Variants in SEC31B observed in about 807,000 individuals in gnomAD.
The protein encoded by SEC31B is protein transport protein Sec31B.
SEC31B carries 113 observed loss-of-function variants against 135.0 expected under a neutral mutation model. That is an observed-to-expected ratio of 0.84 (90% CI 0.72 to 0.98). The LOEUF is 0.98. SEC31B is among the 50% of genes least tolerant of loss of function. The probability of loss-of-function intolerance (pLI) is 0.00; values close to 1 mark genes in which losing one functional copy is unlikely to be tolerated. For missense variants in SEC31B, 1,296 were observed against 1,421.1 expected (o/e 0.91, Z 1.42); for synonymous variants, 508 against 549.4 (o/e 0.92, Z 1.05).
intron 3 of SEC31B, among the ~76,000 whole-genome samples, 170 bp downstream of exon 3, chr10:100,515,926 G>A (rs976107271): frequency 5.3e-5 from 8 of 152,078 alleles, no homozygotes; most frequent in East Asian, 3.9e-4. Context: ...GGGGGGGGTG[G>A]TTGTTTTTTA....
At chr10:100,488,725 T>C (rs1441437101) in intron 24 of SEC31B, 133 bp downstream of exon 24, 1 of 1,235,940 alleles carries the variant, frequency 8.1e-7, no homozygotes, top group East Asian at 2.6e-5. Flanking sequence ...TGGACGTCAA[T>C]TAAGTACAAG....
intron 19 of SEC31B, among the ~76,000 whole-genome samples, chr10:100,493,563 A>G (rs867778149): frequency 1.3e-5 from 2 of 152,198 alleles, no homozygotes; most frequent in Non-Finnish European, 2.9e-5. Flanking sequence ...TTAAATAACA[A>G]TGATAGAGCT....
In SEC31B at chr10:100,507,504, C is replaced by T. The variant is rs1851655336; in HGVS notation, c.703G>A (p.Asp235Asn). 6.2e-7 allele frequency: 1 copy of T among 1,614,104 alleles called. No homozygotes were observed. Among genetic ancestry groups the T allele is most frequent in the Non-Finnish European group, 8.5e-7 (1 of 1,180,046 alleles). The change falls in exon 7 of 26, where the codon GAT becomes AAT. Residue 235 changes from aspartate to asparagine, a missense_variant. Transcript: ENST00000370345. The stretch of plus-strand genomic sequence containing the variant: ...AGCTGAATCACGGGAAGTCGATCAT[C>T]CTCTGAGCACAGCACTAACTGGGTG... ...IATQLVLCSEDDRLPVIQLWD... is the reference protein window; with the variant it reads ...IATQLVLCSENDRLPVIQLWD...
At chr10:100,489,810 G>A in intron 21 of SEC31B, 49 bp from the exon 22 acceptor site, 1 of 1,612,530 alleles carries the variant, frequency 6.2e-7, no homozygotes, top group Non-Finnish European at 8.5e-7. Flanking sequence ...GAAAAACACT[G>A]GAAGTTTTTT....
At chr10:100,514,280 C>G (rs764448025) in intron 3 of SEC31B, among the ~76,000 whole-genome samples, 3 of 152,108 alleles carry the variant, frequency 2.0e-5, no homozygotes, top group Non-Finnish European at 4.4e-5. Context: ...TCTTAAGAAC[C>G]CTTAGCCCTA....
chr10:100,504,757 AAG>A (rs1851592506), intron 10 of SEC31B, among the ~76,000 whole-genome samples: 1 of 152,020 alleles, frequency 6.6e-6, no homozygotes, highest in African/African-American at 2.4e-5. Context: ...GATAGTATTT[AAG>A]AGAGGGGCCT....
In SEC31B at chr10:100,505,422, A is replaced by C. The variant is rs1458018730; in HGVS notation, c.1118T>G (p.Leu373Arg). The C allele has an allele frequency of 6.8e-6, 11 of 1,606,864 alleles. No homozygotes were observed. The highest frequency in any genetic ancestry group is 9.4e-6 in the Non-Finnish European group (11 of 1,176,392). ...GGGGGGTTTTTTCAGGGGAGGTATC[A>C]GTGGTGCTTGTGCCACTTGCTCTGG... The part of the protein sequence containing the change: ...QVPEQVAQAP[L>R]IPPLKKPPKW... Residue 373 changes from leucine (L) to arginine (R), a missense_variant, in exon 10 of 26, where the codon CTG becomes CGG. Physicochemically the swap from Leu to Arg is moderately radical, Grantham distance 102 (BLOSUM62 -2). Transcript: ENST00000370345.
chr10:100,490,392 G>T, intron 20 of SEC31B, 70 bp from the exon 21 acceptor site: 1 of 1,434,636 alleles, frequency 7.0e-7, no homozygotes, highest in Non-Finnish European at 9.3e-7. Flanking sequence ...GCATATCAGG[G>T]AGAAACAGGA....
chr10:100,488,940 T>C lies in SEC31B; in HGVS notation c.3206A>G (p.Lys1069Arg), dbSNP rs781625414. Residue 1069 changes from lysine (K) to arginine (R), a missense_variant, in exon 24 of 26, where the codon AAG (lysine) becomes AGG (arginine). Lys to Arg is a conservative substitution (Grantham distance 26). Transcript: ENST00000370345. The stretch of plus-strand genomic sequence containing the variant: ...GGACTGATGCTCTGGGGGCAGCTCC[T>C]TCCTTTCCATCTTCTCAGGTGGCAG... ...QHLPPEKMER[K>R]ELPPEHQSLK... 3 of 1,611,302 alleles carry C rather than the reference T, an allele frequency of 1.9e-6. No individual in the cohort carries two copies. The highest frequency in any genetic ancestry group is 2.2e-5 in the East Asian group (1 of 44,816).
Position 100,507,496 on chromosome 10 carries a change from T to C in SEC31B, c.711A>G (p.Arg237=). 2 of 1,614,170 alleles carry C rather than the reference T, an allele frequency of 1.2e-6. No homozygotes were observed. The highest frequency in any genetic ancestry group is 1.7e-6 in the Non-Finnish European group (2 of 1,180,022). The change falls in exon 7 of 26, where the codon CGA becomes CGG. Residue 237 remains arginine (R), a synonymous_variant. Transcript: ENST00000370345. Reference sequence around the variant, plus strand: ...AGTCCCACAGCTGAATCACGGGAAGTCGATCATCCTCTGAGCACAGCACTA... The same window carrying C: ...AGTCCCACAGCTGAATCACGGGAAGCCGATCATCCTCTGAGCACAGCACTA... The part of the protein sequence containing the change: ...TQLVLCSEDD[R]LPVIQLWDLR...
rs754507151 is a variant in SEC31B, at chr10:100,507,490, G to A, written c.717C>T (p.Pro239=). The change falls in exon 7 of 26, where the codon CCC becomes CCT. Residue 239 remains proline (P), a synonymous_variant. Coordinates refer to ENST00000370345, the MANE Select transcript of SEC31B (RefSeq NM_015490.4). ...LVLCSEDDRL[P]VIQLWDLRFA... ...AGCGCAAGTCCCACAGCTGAATCAC[G>A]GGAAGTCGATCATCCTCTGAGCACA... 13 of 1,614,078 alleles carry A rather than the reference G, an allele frequency of 8.1e-6. No homozygotes were observed. Among genetic ancestry groups the A allele is most frequent in the Middle Eastern group, 1.6e-4 (1 of 6,084 alleles).
At chr10:100,500,077 C>A (rs1851489823) in intron 11 of SEC31B, 1 of 456,636 alleles carries the variant, frequency 2.2e-6, no homozygotes. Context: ...CTCTTGTGGG[C>A]AAGAAGCTTC....
chr10:100,503,653 C>T (rs182610795), intron 10 of SEC31B, among the ~76,000 whole-genome samples: 30 of 151,906 alleles, frequency 2.0e-4, no homozygotes, highest in Non-Finnish European at 3.8e-4. Context: ...AGGCTGGTCT[C>T]GAACTCCCCG....
At chr10:100,495,627 C>T in intron 18 of SEC31B, 81 bp from the exon 19 acceptor site, 1 of 1,335,074 alleles carries the variant, frequency 7.5e-7, no homozygotes, top group Non-Finnish European at 1.1e-6. Context: ...TTCAGCTGAC[C>T]CTCTACACCA....
chr10:100,495,891 C>A (rs535566296), intron 18 of SEC31B, among the ~76,000 whole-genome samples: 1 of 152,270 alleles, frequency 6.6e-6, no homozygotes, highest in African/African-American at 2.4e-5. Context: ...TGAATCCCTG[C>A]CAAACACTTG....
Position 100,498,209 on chromosome 10 carries a change from T to G in SEC31B, c.1685-2A>C. 6.2e-7 allele frequency: 1 copy of G among 1,614,100 alleles called. No homozygotes were observed. The highest frequency in any genetic ancestry group is 8.5e-7 in the Non-Finnish European group (1 of 1,179,992). ...CCTGGCTTAGGAGTCCATCAATATCTGCAGGCAGAAGCATCCCCTGTGCAT... is the reference window on the plus strand; with the variant it reads ...CCTGGCTTAGGAGTCCATCAATATCGGCAGGCAGAAGCATCCCCTGTGCAT... On this transcript the variant is annotated splice_acceptor_variant, in intron 14 of 25. Transcript: ENST00000370345. LOFTEE classifies it high-confidence loss of function.
At chr10:100,517,851 A>G (rs1851877459) in intron 1 of SEC31B, among the ~76,000 whole-genome samples, 2 of 151,916 alleles carry the variant, frequency 1.3e-5, no homozygotes, top group Non-Finnish European at 2.9e-5. Flanking sequence ...AAGCCTGAAA[A>G]TCCCTCTTGA....
At position 100,497,741 on chromosome 10, in the gene SEC31B, C is replaced by T. The variant is rs765372360; in HGVS notation, c.1916G>A (p.Ser639Asn). 1 of 1,614,224 alleles carries T rather than the reference C, an allele frequency of 6.2e-7. No homozygotes were observed. The highest frequency in any genetic ancestry group is 1.7e-5 in the Admixed American group (1 of 60,030). Residue 639 changes from serine to asparagine, a missense_variant, in exon 16 of 26, where the codon AGC becomes AAC. Ser to Asn is a conservative substitution (Grantham distance 46). Transcript: ENST00000370345. ...KNWKDVVCTC[S>N]LKNWREALAL... The stretch of plus-strand genomic sequence containing the variant: ...CAGTGCCTCTCTCCAGTTCTTCAGG[C>T]TACAGGTACACACCACATCCTTCCA...
At chr10:100,511,731 G>A (rs1162200984) in intron 3 of SEC31B, among the ~76,000 whole-genome samples, 1 of 152,158 alleles carries the variant, frequency 6.6e-6, no homozygotes, top group African/African-American at 2.4e-5. Context: ...CTTCATGTTA[G>A]TGAACTAAAG....
Sources: gnomAD v4.1 joint callset for allele counts (sites outside exome capture counted in the v4.1 genomes callset) on GRCh38, gnomAD v4.1.1 for gene constraint, MANE v1.5 for transcripts, NCBI Gene and HGNC (gene_info 2026-07-23, HGNC 2026-07-21) for gene names.